Variants in NEDD4 observed in about 807,000 individuals in gnomAD.
NEDD4 encodes NEDD4 E3 ubiquitin protein ligase.
A neutral mutation model predicts 144.9 loss-of-function variants in NEDD4; 99 were observed. The observed-to-expected ratio is 0.68, with a 90% CI of 0.58 to 0.81. NEDD4 has a LOEUF of 0.81. Among genes scored for constraint, NEDD4 ranks in the 30% least tolerant of loss-of-function variants. The pLI is 0.00. For missense variants in NEDD4, 985 were observed against 1,065.9 expected (o/e 0.92, Z 1.06); for synonymous variants, 318 against 350.6 (o/e 0.91, Z 1.04).
At chr15:55,965,418 T>C (rs2037495593) in intron 2 of NEDD4, among the ~76,000 whole-genome samples, 1 of 151,888 alleles carries the variant, frequency 6.6e-6, no homozygotes, top group South Asian at 2.1e-4. Context: ...CCCAGGCTGG[T>C]CTCAAACTCC....
chr15:55,855,983 C>T (rs1162064985), intron 12 of NEDD4, 148 bp downstream of exon 12: 1 of 634,764 alleles, frequency 1.6e-6, no homozygotes, highest in African/African-American at 1.9e-5. Context: ...GTCTTTAAGC[C>T]CCTTCCCTGA....
intron 5 of NEDD4, among the ~76,000 whole-genome samples, chr15:55,910,090 GAA>G (rs1163726101): frequency 1.3e-5 from 2 of 151,882 alleles, no homozygotes; most frequent in African/African-American, 4.8e-5. Flanking sequence ...TTTTCTCCAG[GAA>G]AAAGAGACTG....
intron 4 of NEDD4, among the ~76,000 whole-genome samples, chr15:55,942,017 G>T (rs2037015333): frequency 6.6e-6 from 1 of 151,906 alleles, no homozygotes; most frequent in South Asian, 2.1e-4. Context: ...ATGTCAAACA[G>T]GTTAACATGA....
intron 5 of NEDD4, chr15:55,905,074 A>G (rs934307814): frequency 1.2e-5 from 4 of 328,706 alleles, no homozygotes; most frequent in Non-Finnish European, 2.3e-5. Context: ...CCTGGGCAAC[A>G]AGAGCGAAAT....
At chr15:55,936,408 C>A (rs1217833773) in intron 4 of NEDD4, among the ~76,000 whole-genome samples, 2 of 151,164 alleles carry the variant, frequency 1.3e-5, no homozygotes, top group African/African-American at 4.9e-5. Flanking sequence ...TCCCCCTATC[C>A]ATAAAAATAC....
intron 5 of NEDD4, among the ~76,000 whole-genome samples, chr15:55,893,637 G>A (rs1203439645): frequency 5.3e-5 from 8 of 150,378 alleles, no homozygotes; most frequent in Non-Finnish European, 7.4e-5. Flanking sequence ...CATGATATTC[G>A]CACATGAGTG....
chr15:55,965,931 C>T (rs1434880357), intron 2 of NEDD4, among the ~76,000 whole-genome samples: 2 of 152,186 alleles, frequency 1.3e-5, no homozygotes, highest in East Asian at 3.9e-4. Flanking sequence ...AGATTACAGG[C>T]ATGAGCCACC....
intron 4 of NEDD4, among the ~76,000 whole-genome samples, chr15:55,942,099 A>T (rs1595863773): frequency 6.6e-6 from 1 of 151,972 alleles, no homozygotes; most frequent in Admixed American, 6.6e-5. Context: ...CAGTTACTAG[A>T]AGTGGTAAAA....
intron 5 of NEDD4, among the ~76,000 whole-genome samples, chr15:55,894,726 T>G (rs1402846137): frequency 2.0e-5 from 3 of 152,214 alleles, no homozygotes; most frequent in Non-Finnish European, 4.4e-5. Flanking sequence ...CTTTACATGC[T>G]CTAAAGTTTC....
At chr15:55,831,365 G>A (rs1374944594) in intron 27 of NEDD4, among the ~76,000 whole-genome samples, 2 of 152,140 alleles carry the variant, frequency 1.3e-5, no homozygotes, top group Non-Finnish European at 2.9e-5. Context: ...CTCTATGTGT[G>A]GGATATTTGC....
At chr15:55,860,318 C>A in intron 11 of NEDD4, 89 bp downstream of exon 11, 1 of 1,357,388 alleles carries the variant, frequency 7.4e-7, no homozygotes, top group Non-Finnish European at 1.0e-6. Flanking sequence ...GCATTTAAGA[C>A]AAAATTTTAC....
chr15:55,975,998 T>C (rs1713179386), intron 1 of NEDD4, among the ~76,000 whole-genome samples: 1 of 152,212 alleles, frequency 6.6e-6, no homozygotes, highest in Non-Finnish European at 1.5e-5. Flanking sequence ...GAACTCCTTT[T>C]TGACAAAGGT....
In NEDD4 at chr15:55,926,487, C is replaced by T. The variant is rs144699173; in HGVS notation, c.238-1788G>A. Among the ~76,000 whole-genome samples the T allele has an allele frequency of 3.9e-5, 6 of 152,198 alleles. No individual in the cohort carries two copies. In the East Asian group the frequency reaches 5.8e-4, roughly 15 times the overall value. On this transcript the variant is annotated intron_variant, in intron 4 of 28. Transcript: ENST00000435532. ...TGGGGAGGGAAAAATAGTGTTAAGA[C>T]GGCCGGATGTGCTGGTTCACACCTG...
intron 24 of NEDD4, among the ~76,000 whole-genome samples, chr15:55,837,299 G>A (rs1030743309): frequency 2.6e-5 from 4 of 151,656 alleles, no homozygotes; most frequent in East Asian, 1.9e-4. Context: ...GCGTGGTGGC[G>A]GGCACCTGTA....
intron 1 of NEDD4, among the ~76,000 whole-genome samples, chr15:55,970,030 A>T (rs1444666236): frequency 3.3e-5 from 5 of 152,154 alleles, no homozygotes; most frequent in African/African-American, 9.7e-5. Context: ...AAGGAAACCC[A>T]CTGCCCTAAA....
At chr15:55,945,842 T>G (rs527726554) in intron 4 of NEDD4, among the ~76,000 whole-genome samples, 2 of 151,984 alleles carry the variant, frequency 1.3e-5, no homozygotes, top group African/African-American at 4.8e-5. Flanking sequence ...CAGAAGACAG[T>G]GGGGGCCAAT....
intron 4 of NEDD4, among the ~76,000 whole-genome samples, chr15:55,943,204 T>C (rs186354679): frequency 6.6e-6 from 1 of 152,086 alleles, no homozygotes; most frequent in Non-Finnish European, 1.5e-5. Context: ...AGCATAAAAG[T>C]TGGGAATATG....
At chr15:55,956,681 T>G (rs1477145366) in intron 2 of NEDD4, among the ~76,000 whole-genome samples, 1 of 152,366 alleles carries the variant, frequency 6.6e-6, no homozygotes, top group South Asian at 2.1e-4. Flanking sequence ...TCTATTCTCA[T>G]GCCACTGCCA....
chr15:55,890,866 T>C (rs2035549880), intron 5 of NEDD4, among the ~76,000 whole-genome samples: 1 of 152,218 alleles, frequency 6.6e-6, no homozygotes, highest in Non-Finnish European at 1.5e-5. Flanking sequence ...CCATCGTGGC[T>C]TTTTGCATTT....
Sources: gnomAD v4.1 joint callset for allele counts (sites outside exome capture counted in the v4.1 genomes callset) on GRCh38, gnomAD v4.1.1 for gene constraint, MANE v1.5 for transcripts, NCBI Gene and HGNC (gene_info 2026-07-23, HGNC 2026-07-21) for gene names.